SLC30A10: variants seen among roughly 807,000 people sequenced by gnomAD.
SLC30A10 encodes solute carrier family 30 member 10.
In SLC30A10, 8 loss-of-function variants were observed where a neutral mutation model predicts 21.7. The observed-to-expected ratio is 0.37, with a 90% CI of 0.22 to 0.67. SLC30A10 has a LOEUF of 0.67. Ranked by LOEUF, SLC30A10 falls within the 30% of genes least tolerant of loss-of-function variation. The pLI is 0.58. For synonymous variants in SLC30A10, 272 were observed against 279.4 expected (o/e 0.97, Z 0.26); for missense variants, 521 against 642.5 (o/e 0.81, Z 2.04).
chr1:219,951,213 A>G (rs1571814461), intron 1 of SLC30A10, among the ~76,000 whole-genome samples: 1 of 151,888 alleles, frequency 6.6e-6, no homozygotes, highest in African/African-American at 2.4e-5. Flanking sequence ...CACCCACTTC[A>G]GCCTCCCAAA....
intron 3 of SLC30A10, 65 bp from the exon 4 acceptor site, chr1:219,916,013 A>T: frequency 6.5e-7 from 1 of 1,549,216 alleles, no homozygotes; most frequent in African/African-American, 1.4e-5. Flanking sequence ...GAACTACAGG[A>T]GGGATATGGT....
chr1:219,915,396 G>A lies in SLC30A10; in HGVS notation c.*53C>T, dbSNP rs1443329167. ...CCAGAAAGCTCTTTTTGTGAGCCAA[G>A]CTTGTGGTTCCAAAGTGCCTCGTCT... is the stretch of plus-strand genomic sequence containing the variant. On this transcript the variant is annotated 3_prime_UTR_variant, in exon 4 of 4. Coordinates refer to ENST00000366926, the MANE Select transcript of SLC30A10 (RefSeq NM_018713.3). 9 of 1,564,864 alleles carry A rather than the reference G, an allele frequency of 5.8e-6. No individual in the cohort carries two copies. The Admixed American group carries it at 1.4e-4, about 25-fold the overall frequency.
rs1164535981 is a variant in SLC30A10 at position 219,925,632 on chromosome 1, C to CATATATATAT, written c.718+1386_718+1395dup. On this transcript the variant is annotated intron_variant, in intron 2 of 3. Transcript: ENST00000366926. ...CTTAAAATTTATGTGTGTGTGTGTA[C>CATATATATAT]ATATATATATATATATATATTTTTT... 3.3e-3 allele frequency among the ~76,000 whole-genome samples: 224 copies of CATATATATAT among 68,836 alleles called. 9 individuals carry two copies. Among genetic ancestry groups the CATATATATAT allele is most frequent in the South Asian group, 7.1e-3 (10 of 1,408 alleles). 45.2% of individuals were successfully genotyped at this position (68,836 alleles called of 152,430 possible).
chr1:219,915,181 C>T lies in SLC30A10; in HGVS notation c.*268G>A, dbSNP rs1558248910. ...CAGACTTTAATGTCCCTGATATATA[C>T]ACTAGTGCAGTTTGCTTTAGAAAAT... On this transcript the variant is annotated 3_prime_UTR_variant, in exon 4 of 4. Transcript: ENST00000366926. 10 of 470,640 alleles carry T rather than the reference C, an allele frequency of 2.1e-5. No homozygotes were observed. The highest frequency in any genetic ancestry group is 3.9e-5 in the Non-Finnish European group (10 of 258,454). 29.2% of individuals were successfully genotyped at this position (470,640 alleles called of 1,614,324 possible).
chr1:219,945,678 T>TTCTGG (rs1660177569), intron 1 of SLC30A10, among the ~76,000 whole-genome samples: 1 of 152,170 alleles, frequency 6.6e-6, no homozygotes, highest in Non-Finnish European at 1.5e-5. Flanking sequence ...CTAGAAGAGA[T>TTCTGG]AATGTTTGAA....
rs1659464445 is a variant in SLC30A10, at chr1:219,913,609, A to G, written c.*1840T>C. ...TTAAGAGGATGCACTGTTTTGTGTG[A>G]GTACATGCCACACTTTTAATACTAA... On this transcript the variant is annotated 3_prime_UTR_variant, in exon 4 of 4. Transcript: ENST00000366926. 4 of 152,366 alleles carry G rather than the reference A, an allele frequency of 2.6e-5. No homozygotes were observed. Among genetic ancestry groups the G allele is most frequent in the Admixed American group, 2.6e-4 (4 of 15,308 alleles). The allele number at this position is 152,366 out of a possible 1,614,324, so 9.4% of individuals were successfully genotyped here.
At chr1:219,920,181 T>C (rs1269510272) in intron 2 of SLC30A10, among the ~76,000 whole-genome samples, 1 of 152,170 alleles carries the variant, frequency 6.6e-6, no homozygotes, top group Non-Finnish European at 1.5e-5. Flanking sequence ...ATTCAATATA[T>C]ACATTAACAT....
In SLC30A10 at chr1:219,911,380, AT is replaced by A. The variant is rs1659412575; in HGVS notation, c.*4068del. On this transcript the variant is annotated 3_prime_UTR_variant, in exon 4 of 4. Coordinates refer to ENST00000366926, the MANE Select transcript of SLC30A10 (RefSeq NM_018713.3). The stretch of plus-strand genomic sequence containing the variant: ...CCAGGAACTAAGAAGAATTAACATC[AT>A]CAAGTTTAAAATCGATCATTTTAAA... Among the ~76,000 whole-genome samples, 1 of 152,062 alleles carries A rather than the reference AT, an allele frequency of 6.6e-6. No individual in the cohort carries two copies. The highest frequency in any genetic ancestry group is 2.4e-5 in the African/African-American group (1 of 41,528).
chr1:219,941,437 C>A (rs937047084), intron 1 of SLC30A10, among the ~76,000 whole-genome samples: 5 of 152,122 alleles, frequency 3.3e-5, no homozygotes, highest in African/African-American at 1.2e-4. Flanking sequence ...GTAGACAGAG[C>A]CCAAAGCAGG....
At chr1:219,930,128 A>C (rs1659945091), upstream of SLC30A10, among the ~76,000 whole-genome samples, 1 of 152,140 alleles carries the variant, frequency 6.6e-6, no homozygotes, top group South Asian at 2.1e-4. Context: ...TTTGGCTTAG[A>C]AATGAATACA....
At chr1:219,953,931 C>A (rs1194233610) in intron 1 of SLC30A10, among the ~76,000 whole-genome samples, 1 of 151,800 alleles carries the variant, frequency 6.6e-6, no homozygotes, top group African/African-American at 2.4e-5. Flanking sequence ...TGGTCTCGAT[C>A]TCCTGACCTC....
intron 1 of SLC30A10, among the ~76,000 whole-genome samples, chr1:219,938,762 G>A (rs190965525): frequency 5.9e-5 from 9 of 151,580 alleles, no homozygotes; most frequent in Non-Finnish European, 1.2e-4. Context: ...TAACATATTG[G>A]TAAGTTGGCA....
At chr1:219,921,921 C>CAGAGAGAGAGAGAGAG (rs57806725) in intron 2 of SLC30A10, among the ~76,000 whole-genome samples, 54 of 137,942 alleles carry the variant, frequency 3.9e-4, no homozygotes, top group African/African-American at 1.4e-3. Context: ...GAGAGAGAGA[C>CAGAGAGAGAGAGAGAG]AGAGAGAGAG....
chr1:219,944,687 G>A (rs1660165251), intron 1 of SLC30A10, among the ~76,000 whole-genome samples: 1 of 152,170 alleles, frequency 6.6e-6, no homozygotes, highest in Non-Finnish European at 1.5e-5. Flanking sequence ...GATAAGTTAT[G>A]TATGTGCAAT....
At chr1:219,932,705 CTTTTTTTTTTTTT>C (rs58052957), upstream of SLC30A10, among the ~76,000 whole-genome samples, 5 of 64,888 alleles carry the variant, frequency 7.7e-5, no homozygotes, top group Non-Finnish European at 1.6e-4. Flanking sequence ...AGTAACCATT[CTTTTTTTTTTTTT>C]TTTTTTTTTT....
chr1:219,939,769 G>A (rs1660096602), intron 1 of SLC30A10, among the ~76,000 whole-genome samples: 1 of 152,112 alleles, frequency 6.6e-6, no homozygotes, highest in African/African-American at 2.4e-5. Flanking sequence ...TCAAGAGGAA[G>A]ATAACTCAAG....
chr1:219,939,690 A>C (rs1455198346), intron 1 of SLC30A10, among the ~76,000 whole-genome samples: 1 of 152,148 alleles, frequency 6.6e-6, no homozygotes, highest in Non-Finnish European at 1.5e-5. Context: ...GGCCAGCCAA[A>C]GTGCTGGGAT....
chr1:219,951,781 T>C (rs112246404), intron 1 of SLC30A10, among the ~76,000 whole-genome samples: 17 of 152,020 alleles, frequency 1.1e-4, no homozygotes, highest in African/African-American at 4.1e-4. Context: ...TCACCCAGGT[T>C]GGAGTGTAAT....
chr1:219,932,548 G>A (rs1659983209), upstream of SLC30A10, among the ~76,000 whole-genome samples: 1 of 152,016 alleles, frequency 6.6e-6, no homozygotes, highest in South Asian at 2.1e-4. Flanking sequence ...TTCTTATTGT[G>A]GATGAAGTCA....
Sources: allele counts gnomAD v4.1 joint callset (sites outside exome capture counted in the v4.1 genomes callset), GRCh38; gene constraint gnomAD v4.1.1; transcripts MANE v1.5; gene names NCBI Gene and HGNC (gene_info 2026-07-23, HGNC 2026-07-21).